The following EPB41L4B variants were observed in gnomAD, a reference collection of about 807,000 sequenced individuals.
The protein encoded by EPB41L4B is band 4.1-like protein 4B.
In EPB41L4B, 30 loss-of-function variants were observed where a neutral mutation model predicts 112.5. That is an observed-to-expected ratio of 0.27 (90% CI 0.20 to 0.36). The LOEUF is 0.36. Among genes scored for constraint, EPB41L4B ranks in the 10% least tolerant of loss-of-function variants. The probability of loss-of-function intolerance (pLI) is 1.00; values close to 1 mark genes in which losing one functional copy is unlikely to be tolerated. For missense variants in EPB41L4B, 1,024 were observed against 1,133.3 expected (o/e 0.90, Z 1.38); for synonymous variants, 408 against 439.7 (o/e 0.93, Z 0.90).
At chr9:109,267,412 CCATAAATGA>C in intron 4 of EPB41L4B, 52 bp downstream of exon 4, 2 of 1,039,818 alleles carry the variant, frequency 1.9e-6, no homozygotes, top group South Asian at 2.7e-5. Flanking sequence ...TTGAGAAGAG[CCATAAATGA>C]CATGTAAGGC....
chr9:109,197,315 C>T (rs1379850074), intron 20 of EPB41L4B, among the ~76,000 whole-genome samples: 1 of 152,080 alleles, frequency 6.6e-6, no homozygotes, highest in Non-Finnish European at 1.5e-5. Context: ...CCCAGCTACT[C>T]GGCAGGCTGA....
chr9:109,203,787 G>T, intron 18 of EPB41L4B, 57 bp from the exon 19 acceptor site: 2 of 1,407,330 alleles, frequency 1.4e-6, no homozygotes, highest in Middle Eastern at 1.8e-4. Context: ...TGCAAAAAAT[G>T]TTTTCAAGTC....
At chr9:109,312,648 C>G (rs939813273) in intron 1 of EPB41L4B, among the ~76,000 whole-genome samples, 1 of 152,152 alleles carries the variant, frequency 6.6e-6, no homozygotes. Context: ...CTCTACAAAT[C>G]AGGAATAACA....
intron 1 of EPB41L4B, among the ~76,000 whole-genome samples, chr9:109,295,874 C>A (rs1316262343): frequency 6.6e-6 from 1 of 150,810 alleles, no homozygotes; most frequent in East Asian, 1.9e-4. Context: ...AGGAAAAAAA[C>A]CCACAACCAC....
chr9:109,320,041 G>A, intron 1 of EPB41L4B, 100 bp downstream of exon 1: 1 of 971,222 alleles, frequency 1.0e-6, no homozygotes, highest in Non-Finnish European at 1.4e-6. Context: ...GGATCCCCAG[G>A]GAGGTGCAAG....
At chr9:109,212,520 G>A (rs1382701334) in intron 17 of EPB41L4B, among the ~76,000 whole-genome samples, 1 of 152,158 alleles carries the variant, frequency 6.6e-6, no homozygotes, top group African/African-American at 2.4e-5. Context: ...CTGCAGTTGG[G>A]GTCCATTAGT....
intron 1 of EPB41L4B, among the ~76,000 whole-genome samples, chr9:109,304,741 C>T (rs138254026): frequency 1.5e-3 from 231 of 152,232 alleles, no homozygotes; most frequent in Non-Finnish European, 2.4e-3. Flanking sequence ...TGTAAATGGT[C>T]AATCCACTTT....
chr9:109,299,999 C>T (rs1204142576), intron 1 of EPB41L4B, among the ~76,000 whole-genome samples: 2 of 152,144 alleles, frequency 1.3e-5, no homozygotes, highest in African/African-American at 2.4e-5. Context: ...GGATTCACCA[C>T]AGTGAAGAAA....
chr9:109,235,147 G>A (rs1834094758), intron 15 of EPB41L4B, among the ~76,000 whole-genome samples: 1 of 152,084 alleles, frequency 6.6e-6, no homozygotes, highest in African/African-American at 2.4e-5. Context: ...ATTCTGCCTG[G>A]ACAGTTATTT....
rs59210551 is a variant in EPB41L4B, at chr9:109,175,468, AACACACAC to A, written c.2634-853_2634-846del. Among the ~76,000 whole-genome samples the A allele has an allele frequency of 6.6e-3, 858 of 129,392 alleles. 10 individuals are homozygous for A. Among genetic ancestry groups the A allele is most frequent in the South Asian group, 0.048 (173 of 3,578 alleles). The allele number at this position is 129,392 out of a possible 152,430, so 84.9% of individuals were successfully genotyped here. ...CTATGTAACCTGTCTCCACTGTTTAAACACACACACACACACACACACACACACACACA... is the reference window on the plus strand; with the variant it reads ...CTATGTAACCTGTCTCCACTGTTTAAACACACACACACACACACACACACA... On this transcript the variant is annotated intron_variant, in intron 25 of 25. Transcript: ENST00000374566.
chr9:109,258,681 G>A (rs10979777), intron 6 of EPB41L4B, among the ~76,000 whole-genome samples: 7,514 of 152,274 alleles, frequency 0.049, 275 homozygotes, highest in Non-Finnish European at 0.074. Context: ...CTCTCGTTAA[G>A]AGTAGGTCAG....
intron 15 of EPB41L4B, among the ~76,000 whole-genome samples, chr9:109,233,567 G>A (rs1214140606): frequency 2.2e-5 from 3 of 134,666 alleles, no homozygotes; most frequent in Non-Finnish European, 4.6e-5. Context: ...GTCTCGCTCT[G>A]TCACCCAGGC....
intron 15 of EPB41L4B, among the ~76,000 whole-genome samples, chr9:109,226,241 G>A (rs1371757785): frequency 6.6e-6 from 1 of 152,120 alleles, no homozygotes; most frequent in Non-Finnish European, 1.5e-5. Context: ...GGACTGGAGG[G>A]TGAATACAGG....
chr9:109,247,690 C>A, intron 14 of EPB41L4B, 66 bp downstream of exon 14: 1 of 1,182,150 alleles, frequency 8.5e-7, no homozygotes, highest in Non-Finnish European at 1.1e-6. Context: ...TTACAAAAAC[C>A]TTTTTTTAAA....
chr9:109,282,607 AC>A (rs1836110207), intron 1 of EPB41L4B, among the ~76,000 whole-genome samples: 1 of 152,066 alleles, frequency 6.6e-6, no homozygotes, highest in Non-Finnish European at 1.5e-5. Context: ...TGATAAGAAC[AC>A]CCCATCACCT....
intron 13 of EPB41L4B, among the ~76,000 whole-genome samples, chr9:109,251,210 T>C (rs970588283): frequency 3.3e-5 from 5 of 152,268 alleles, no homozygotes; most frequent in African/African-American, 1.2e-4. Context: ...CACAGGCCTC[T>C]ACCTTTCCCA....
intron 20 of EPB41L4B, among the ~76,000 whole-genome samples, chr9:109,197,226 C>G (rs1259422179): frequency 1.3e-5 from 2 of 152,038 alleles, no homozygotes; most frequent in Admixed American, 6.6e-5. Flanking sequence ...AGTTCGAGAC[C>G]AACCTGGCCA....
At chr9:109,281,425 G>C (rs374133133) in intron 1 of EPB41L4B, among the ~76,000 whole-genome samples, 1 of 152,124 alleles carries the variant, frequency 6.6e-6, no homozygotes, top group East Asian at 1.9e-4. Flanking sequence ...TAAAAAGGCC[G>C]GGCACAGTGG....
chr9:109,247,180 T>G (rs555120599), intron 14 of EPB41L4B, among the ~76,000 whole-genome samples: 3 of 151,904 alleles, frequency 2.0e-5, no homozygotes, highest in East Asian at 3.9e-4. Context: ...CTAGTTTTTT[T>G]TTTTTTTTTT....
Sources: allele counts gnomAD v4.1 joint callset (sites outside exome capture counted in the v4.1 genomes callset), GRCh38; gene constraint gnomAD v4.1.1; transcripts MANE v1.5; gene names NCBI Gene and HGNC (gene_info 2026-07-23, HGNC 2026-07-21).